CCDC141: variants seen among roughly 807,000 people sequenced by gnomAD.
CCDC141 encodes the protein coiled-coil domain-containing protein 141.
Under a neutral mutation model 181.0 loss-of-function variants are expected in CCDC141, and 168 were observed. That is an observed-to-expected ratio of 0.93 (90% CI 0.82 to 1.05). The LOEUF (loss-of-function observed/expected upper bound fraction) is 1.05. CCDC141 is among the 50% of genes least tolerant of loss of function. The pLI, the probability that CCDC141 is intolerant of heterozygous loss-of-function variation, is 0.00. For synonymous variants in CCDC141, 666 were observed against 642.3 expected (o/e 1.04, Z -0.56); for missense variants, 1,902 against 1,788.5 (o/e 1.06, Z -1.14).
At position 179,037,247 on chromosome 2, in the gene CCDC141, A is replaced by G. The variant is rs142372247; in HGVS notation, c.225+10037T>C. On this transcript the variant is annotated intron_variant, in intron 2 of 23. Coordinates refer to ENST00000443758, the MANE Select transcript of CCDC141 (RefSeq NM_173648.4). ...GCCTCCCTACTTGTGTAGGAAAGAGAAAGTGAGGAGATATAAGTGGAAACA... is the reference window on the plus strand; with the variant it reads ...GCCTCCCTACTTGTGTAGGAAAGAGGAAGTGAGGAGATATAAGTGGAAACA... Among the ~76,000 whole-genome samples the G allele has an allele frequency of 4.4e-3, 671 of 152,312 alleles. 5 individuals carry two copies. Among genetic ancestry groups the G allele is most frequent in the African/African-American group, 0.015 (643 of 41,566 alleles).
intron 2 of CCDC141, among the ~76,000 whole-genome samples, chr2:179,040,255 G>A (rs895417723): frequency 1.3e-5 from 2 of 152,178 alleles, no homozygotes; most frequent in African/African-American, 4.8e-5. Context: ...CTAAAGTCCA[G>A]AGAACTTAAA....
chr2:178,821,210 T>A, the CCDC141 span, among the ~76,000 whole-genome samples: 2 of 152,122 alleles, frequency 1.3e-5, no homozygotes, highest in Admixed American at 1.3e-4. Flanking sequence ...TGTTTGGGTA[T>A]ACCAAGTTTT....
chr2:178,825,170 C>T (rs1158719883), downstream of CCDC141: 1 of 152,142 alleles, frequency 6.6e-6, no homozygotes, highest in East Asian at 1.9e-4. Context: ...AATTAATTAA[C>T]AAACTAAAAT....
rs114129666 is a variant in CCDC141 at position 178,886,758 on chromosome 2, T to G, written c.1521A>C (p.Gln507His). 8,364 of 1,434,468 alleles carry G rather than the reference T, an allele frequency of 5.8e-3. 32 individuals carry two copies. The highest frequency in any genetic ancestry group is 7.0e-3 in the Non-Finnish European group (7,487 of 1,069,966). The allele number at this position is 1,434,468 out of a possible 1,614,324, so 88.9% of individuals were successfully genotyped here. A position where few individuals can be genotyped will look rare whatever the true frequency, so the allele number is the denominator to read the frequency against. The stretch of plus-strand genomic sequence containing the variant: ...TCATTCTCATTTTATTTACCTTAGC[T>G]TGGATATCTAGTTCCAGATATTTAT... Reference protein sequence around the residue: ...ILNKYLELDIQAKETSHELEA... With the variant: ...ILNKYLELDIHAKETSHELEA... Residue 507 changes from glutamine to histidine, a missense_variant, in exon 10 of 24, where the codon CAA becomes CAC. Transcript: ENST00000443758.
intron 13 of CCDC141, 66 bp downstream of exon 13, chr2:178,872,067 G>C (rs1686141013): frequency 6.7e-6 from 10 of 1,490,226 alleles, no homozygotes; most frequent in Non-Finnish European, 9.1e-6. Flanking sequence ...GTGTTTTCAA[G>C]GTTCGCTCAT....
chr2:178,871,658 T>C (rs1232927939), intron 13 of CCDC141, 106 bp from the exon 14 acceptor site: 1 of 1,285,402 alleles, frequency 7.8e-7, no homozygotes. Flanking sequence ...TCAAACCCCA[T>C]GAAAACACTC....
the CCDC141 span, among the ~76,000 whole-genome samples, chr2:178,815,399 A>G: frequency 2.0e-5 from 3 of 152,170 alleles, no homozygotes; most frequent in Non-Finnish European, 4.4e-5. Flanking sequence ...TTTGGATCTA[A>G]GTGTTAATGT....
chr2:178,945,029 C>T (rs1689672419), intron 5 of CCDC141, among the ~76,000 whole-genome samples: 1 of 152,006 alleles, frequency 6.6e-6, no homozygotes, highest in Non-Finnish European at 1.5e-5. Context: ...TACGTAAACC[C>T]ATATGAAGAT....
intron 7 of CCDC141, among the ~76,000 whole-genome samples, chr2:178,913,103 A>T (rs1688291121): frequency 6.6e-6 from 1 of 152,190 alleles, no homozygotes; most frequent in African/African-American, 2.4e-5. Flanking sequence ...CAGGGATTAT[A>T]TCTTTCATTG....
chr2:178,836,874 T>C lies in CCDC141; in HGVS notation c.4325+20A>G, dbSNP rs777177404. 1.9e-6 allele frequency: 3 copies of C among 1,582,144 alleles called. No individual in the cohort carries two copies. In the South Asian group the frequency reaches 3.5e-5, roughly 19 times the overall value. The stretch of plus-strand genomic sequence containing the variant: ...ATTGAATTTGTTTCCATTTATGGCT[T>C]GTCATTATAGGCTACCCACCATGTC... On this transcript the variant is annotated intron_variant, in intron 23 of 23. Coordinates refer to ENST00000443758, the MANE Select transcript of CCDC141 (RefSeq NM_173648.4).
chr2:178,868,030 C>G lies in CCDC141; in HGVS notation c.2570G>C (p.Arg857Pro). Residue 857 changes from arginine to proline, a missense_variant, in exon 16 of 24, where the codon CGG becomes CCG. Arg to Pro is a moderately radical substitution (Grantham distance 103, BLOSUM62 -2). Coordinates refer to ENST00000443758, the MANE Select transcript of CCDC141 (RefSeq NM_173648.4). ...ATAGTGTTATTAGATGCTTACAGGC[C>G]GCTGCACTGATGAGATGATGTCGAC... ...LGVDIISSVQ[R>P]PHCSNVSAKN... 8 of 1,612,356 alleles carry G rather than the reference C, an allele frequency of 5.0e-6. No homozygotes were observed. Among genetic ancestry groups the G allele is most frequent in the Non-Finnish European group, 6.8e-6 (8 of 1,178,664 alleles).
At chr2:178,834,522 G>A in intron 23 of CCDC141, 82 bp from the exon 24 acceptor site, 3 of 1,399,660 alleles carry the variant, frequency 2.1e-6, no homozygotes, top group Non-Finnish European at 2.9e-6. Context: ...TTGCAAATAG[G>A]CCCATTACCA....
chr2:178,831,061 T>C lies in CCDC141; in HGVS notation c.*3112A>G, dbSNP rs1684229248. ...GGGTCTTGTAGTCATCTATTTTAAG[T>C]ATGTGTCTTGATTATGAGTGATAGA... On this transcript the variant is annotated 3_prime_UTR_variant, in exon 24 of 24. Transcript: ENST00000443758. 6.6e-6 allele frequency: 1 copy of C among 152,170 alleles called. No homozygotes were observed. The highest frequency in any genetic ancestry group is 2.4e-5 in the African/African-American group (1 of 41,436). The allele number at this position is 152,170 out of a possible 1,614,324, so 9.4% of individuals were successfully genotyped here.
At chr2:178,940,699 G>A (rs931406352) in intron 6 of CCDC141, among the ~76,000 whole-genome samples, 62 of 152,138 alleles carry the variant, frequency 4.1e-4, no homozygotes, top group African/African-American at 1.4e-3. Context: ...TCTTCACAAC[G>A]TAAAAGACTT....
downstream of CCDC141, among the ~76,000 whole-genome samples, chr2:178,826,469 T>C (rs1684126937): frequency 6.6e-6 from 1 of 152,222 alleles, no homozygotes; most frequent in African/African-American, 2.4e-5. Context: ...TTCTCTCTGC[T>C]TCTATTTTCT....
At chr2:178,973,573 A>T (rs1039104033) in intron 4 of CCDC141, among the ~76,000 whole-genome samples, 1 of 152,152 alleles carries the variant, frequency 6.6e-6, no homozygotes, top group Non-Finnish European at 1.5e-5. Flanking sequence ...CGCAGATCCT[A>T]GGAACTTGAA....
chr2:178,862,979 T>C (rs1478825419), intron 17 of CCDC141, among the ~76,000 whole-genome samples: 2 of 151,960 alleles, frequency 1.3e-5, no homozygotes, highest in African/African-American at 2.4e-5. Context: ...CATACAAACA[T>C]CTTAGATATA....
intron 23 of CCDC141, chr2:178,835,693 A>T (rs917825873): frequency 1.3e-5 from 2 of 152,274 alleles, no homozygotes; most frequent in African/African-American, 2.4e-5. Context: ...TTAACCACAC[A>T]CATACTAACC....
In CCDC141 at chr2:178,983,708, G is replaced by C. The variant is rs1165152421; in HGVS notation, c.226-5033C>G. 7.9e-5 allele frequency among the ~76,000 whole-genome samples: 12 copies of C among 151,510 alleles called. No individual in the cohort carries two copies. In the East Asian group the frequency reaches 2.1e-3, roughly 27 times the overall value. On this transcript the variant is annotated intron_variant, in intron 2 of 23. Transcript: ENST00000443758. ...GCCGATGCGATCAACTGGAAGAAAG[G>C]GTATCAGCAATGGAAGATGAAATCA...
Sources: allele counts gnomAD v4.1 joint callset (sites outside exome capture counted in the v4.1 genomes callset), GRCh38; gene constraint gnomAD v4.1.1; transcripts MANE v1.5; gene names NCBI Gene and HGNC (gene_info 2026-07-23, HGNC 2026-07-21).